Variants in MGST2 observed in about 807,000 individuals in gnomAD.
MGST2 encodes the protein microsomal glutathione S-transferase 2.
A neutral mutation model predicts 16.6 loss-of-function variants in MGST2; 9 were observed. The observed-to-expected ratio is 0.54, with a 90% CI of 0.33 to 0.95. The LOEUF is 0.95. Ranked by LOEUF, MGST2 falls within the 40% of genes least tolerant of loss-of-function variation. The pLI is 0.03. For synonymous variants in MGST2, 79 were observed against 68.0 expected, an observed-to-expected ratio of 1.16 and a Z score of -0.79; for missense variants, 159 against 175.1, an observed-to-expected ratio of 0.91 and a Z score of 0.52.
At chr4:139,745,509 C>T (rs951794893), downstream of MGST2, among the ~76,000 whole-genome samples, 12 of 152,230 alleles carry the variant, frequency 7.9e-5, no homozygotes, top group African/African-American at 2.6e-4. Context: ...CTGAAAAAAG[C>T]CAAATGCACC....
At chr4:139,669,393 T>G (rs1389958207) in intron 1 of MGST2, among the ~76,000 whole-genome samples, 1 of 152,216 alleles carries the variant, frequency 6.6e-6, no homozygotes, top group East Asian at 1.9e-4. Context: ...GCTTAGGTTT[T>G]GAAGACAGAC....
chr4:139,717,198 C>T (rs1427368211), intron 5 of MGST2: 1 of 152,416 alleles, frequency 6.6e-6, no homozygotes, highest in African/African-American at 2.4e-5. Context: ...TAAAATCTAC[C>T]TATTAGTTGG....
chr4:139,721,299 A>G (rs1422111726), intron 5 of MGST2, among the ~76,000 whole-genome samples: 2 of 152,212 alleles, frequency 1.3e-5, no homozygotes, highest in South Asian at 2.1e-4. Context: ...GGGAATGGAA[A>G]TGTCGCCAGT....
intron 2 of MGST2, among the ~76,000 whole-genome samples, chr4:139,694,350 A>G (rs1726794480): frequency 6.6e-6 from 1 of 151,850 alleles, no homozygotes; most frequent in Non-Finnish European, 1.5e-5. Context: ...GTCATTTACA[A>G]TCCTGTAGAC....
At chr4:139,688,085 C>T (rs1726343860) in intron 2 of MGST2, among the ~76,000 whole-genome samples, 1 of 152,138 alleles carries the variant, frequency 6.6e-6, no homozygotes, top group Non-Finnish European at 1.5e-5. Flanking sequence ...AATTTAAATA[C>T]ATTTCCTCTG....
chr4:139,723,567 C>T (rs886147231), intron 5 of MGST2, among the ~76,000 whole-genome samples: 2 of 152,174 alleles, frequency 1.3e-5, no homozygotes, highest in Non-Finnish European at 2.9e-5. Context: ...CCGCCTCGGC[C>T]TCCCAACGTG....
intron 5 of MGST2, among the ~76,000 whole-genome samples, chr4:139,721,791 TAA>T (rs948591729): frequency 1.3e-4 from 20 of 152,224 alleles, no homozygotes; most frequent in Admixed American, 1.2e-3. Context: ...TCATTATATC[TAA>T]GTGATTTTTT....
At chr4:139,727,087 G>A (rs1284758194) in intron 5 of MGST2, among the ~76,000 whole-genome samples, 4 of 152,042 alleles carry the variant, frequency 2.6e-5, no homozygotes, top group Non-Finnish European at 4.4e-5. Context: ...ACCTCTTAAC[G>A]CCTGTGTTTA....
intron 3 of MGST2, among the ~76,000 whole-genome samples, chr4:139,699,420 G>T (rs191067311): frequency 7.2e-5 from 11 of 152,022 alleles, no homozygotes; most frequent in African/African-American, 2.4e-4. Context: ...AAAAATTTGC[G>T]TATATTTTAT....
chr4:139,678,641 C>T lies in MGST2; in HGVS notation c.157C>T (p.Gln53Ter), dbSNP rs1215188862. 5 of 1,608,236 alleles carry T rather than the reference C, an allele frequency of 3.1e-6. No homozygotes were observed. The highest frequency in any genetic ancestry group is 2.2e-5 in the East Asian group (1 of 44,824). Residue 53 changes from glutamine (Q) to a stop codon, truncating the protein, a stop_gained and splice_region_variant, in exon 2 of 5, where the codon CAA becomes TAA. Coordinates refer to ENST00000265498, the MANE Select transcript of MGST2 (RefSeq NM_002413.5). LOFTEE classifies it high-confidence loss of function. ...SPEFERVFRA[Q>*]QNCVEFYPIF... ...AGAGTTTGAGAGAGTATTTCGGGCA[C>T]AGTAAGTAATGCTTCTTCCACCCTT...
At chr4:139,698,341 C>G in intron 3 of MGST2, 2 of 1,585,546 alleles carry the variant, frequency 1.3e-6, no homozygotes, top group Non-Finnish European at 1.7e-6. Context: ...ATTTCTCGCA[C>G]CAGACGCTGG....
chr4:139,698,783 TTTTTC>T (rs987035563), intron 3 of MGST2, among the ~76,000 whole-genome samples: 2 of 152,280 alleles, frequency 1.3e-5, no homozygotes, highest in African/African-American at 2.4e-5. Flanking sequence ...TTTTCTTTCT[TTTTTC>T]TTTTCTTATC....
chr4:139,742,963 C>A (rs2111026855), downstream of MGST2, among the ~76,000 whole-genome samples: 1 of 152,280 alleles, frequency 6.6e-6, no homozygotes, highest in South Asian at 2.1e-4. Context: ...TTCCTAATTT[C>A]TTTCCACCAG....
rs186020051 is a variant in MGST2 at position 139,703,727 on chromosome 4, T to C, written c.311+191T>C. Reference sequence around the variant, plus strand: ...AGATGGGAAAATGCAAGTATAAAACTGTGCACTGAATGTGGACTCTAGTTC... The same window carrying C: ...AGATGGGAAAATGCAAGTATAAAACCGTGCACTGAATGTGGACTCTAGTTC... On this transcript the variant is annotated intron_variant, in intron 4 of 4. Transcript: ENST00000265498. Among the ~76,000 whole-genome samples the C allele has an allele frequency of 7.9e-5, 12 of 152,330 alleles. No homozygotes were observed. The East Asian group carries it at 2.3e-3, about 29-fold the overall frequency.
intron 5 of MGST2, among the ~76,000 whole-genome samples, chr4:139,721,860 A>G (rs1210606077): frequency 6.6e-6 from 1 of 152,244 alleles, no homozygotes; most frequent in East Asian, 1.9e-4. Context: ...GCAACTTGTA[A>G]TATTGTCATG....
At chr4:139,669,256 A>G (rs1211101776) in intron 1 of MGST2, among the ~76,000 whole-genome samples, 1 of 152,014 alleles carries the variant, frequency 6.6e-6, no homozygotes, top group Non-Finnish European at 1.5e-5. Flanking sequence ...AAGGAGAGAG[A>G]GAGTGTGTAA....
chr4:139,674,462 T>G (rs901051257), intron 1 of MGST2, among the ~76,000 whole-genome samples: 13 of 151,950 alleles, frequency 8.6e-5, no homozygotes, highest in African/African-American at 3.1e-4. Context: ...GTGAGGGAGC[T>G]ATGTAGTTTT....
intron 5 of MGST2, among the ~76,000 whole-genome samples, chr4:139,725,055 G>A (rs1393197925): frequency 1.3e-5 from 2 of 152,116 alleles, no homozygotes; most frequent in Admixed American, 6.6e-5. Flanking sequence ...CACCGCACCC[G>A]GCCAAGGGCT....
chr4:139,743,098 C>A (rs1729215857), downstream of MGST2, among the ~76,000 whole-genome samples: 1 of 152,192 alleles, frequency 6.6e-6, no homozygotes, highest in Non-Finnish European at 1.5e-5. Context: ...TCATACCCAC[C>A]TTCACTCTGC....
Sources: gnomAD v4.1 joint callset for allele counts (sites outside exome capture counted in the v4.1 genomes callset) on GRCh38, gnomAD v4.1.1 for gene constraint, MANE v1.5 for transcripts, NCBI Gene and HGNC (gene_info 2026-07-23, HGNC 2026-07-21) for gene names.